The following TCF3 variants were observed in gnomAD, a reference collection of about 807,000 sequenced individuals.
TCF3 encodes the protein transcription factor E2-alpha.
A neutral mutation model predicts 72.3 loss-of-function variants in TCF3; 54 were observed. The observed-to-expected ratio is 0.75, with a 90% confidence interval of 0.60 to 0.94. The LOEUF (loss-of-function observed/expected upper bound fraction) is 0.94, where lower values mean the gene tolerates loss of function less well. Among genes scored for constraint, TCF3 ranks in the 40% least tolerant of loss-of-function variants. The pLI, the probability that TCF3 is intolerant of heterozygous loss-of-function variation, is 0.00. For missense variants in TCF3, 1,078 were observed against 934.4 expected (o/e 1.15, Z -2.00); for synonymous variants, 525 against 412.6 (o/e 1.27, Z -3.30).
At chr19:1,621,994 G>C in intron 10 of TCF3, 24 bp from the exon 11 acceptor site, 1 of 1,601,920 alleles carries the variant, frequency 6.2e-7, no homozygotes, top group Non-Finnish European at 8.5e-7. Context: ...CAGGAGGAGG[G>C]TGGGTTAGAT....
chr19:1,647,936 A>T (rs904552229), intron 2 of TCF3, among the ~76,000 whole-genome samples: 1 of 152,286 alleles, frequency 6.6e-6, no homozygotes, highest in Non-Finnish European at 1.5e-5. Flanking sequence ...CGCACGCGGC[A>T]GGGCCTGGGG....
intron 2 of TCF3, among the ~76,000 whole-genome samples, chr19:1,647,013 G>A (rs770531148): frequency 1.6e-4 from 24 of 152,250 alleles, no homozygotes; most frequent in Non-Finnish European, 2.9e-4. Context: ...TTGGCAAAAG[G>A]GGAAGCCGAG....
At chr19:1,621,073 C>A (rs771557726) in intron 12 of TCF3, 27 bp from the exon 13 acceptor site, 1 of 1,518,812 alleles carries the variant, frequency 6.6e-7, no homozygotes, top group Non-Finnish European at 8.9e-7. Flanking sequence ...GAGAGATGGG[C>A]GGTCAGGGGC....
chr19:1,623,076 C>T (rs971851305), intron 8 of TCF3, among the ~76,000 whole-genome samples: 5 of 152,234 alleles, frequency 3.3e-5, no homozygotes, highest in Admixed American at 1.3e-4. Context: ...AGCCTGACCA[C>T]GCCTTTGGCC....
In TCF3 at chr19:1,627,344, G is replaced by A; in HGVS notation, c.366+15C>T. ...TAAAATCAAAATACACCCCAGCCCG[G>A]CCCGAGCCCCTCACCTGAGTCAGGC... On this transcript the variant is annotated intron_variant, in intron 6 of 18. Coordinates refer to ENST00000262965, the MANE Select transcript of TCF3 (RefSeq NM_003200.5). 1 of 1,603,758 alleles carries A rather than the reference G, an allele frequency of 6.2e-7. No homozygotes were observed. The highest frequency in any genetic ancestry group is 1.7e-5 in the Admixed American group (1 of 59,186).
intron 5 of TCF3, among the ~76,000 whole-genome samples, chr19:1,629,817 T>G (rs1022356370): frequency 2.3e-4 from 35 of 152,180 alleles, no homozygotes; most frequent in Admixed American, 1.1e-3. Context: ...TTTTAAAAGT[T>G]CAACGATTTC....
chr19:1,646,347 G>T lies in TCF3; in HGVS notation c.145+8C>A. 1 of 1,550,132 alleles carries T rather than the reference G, an allele frequency of 6.5e-7. No homozygotes were observed. Among genetic ancestry groups the T allele is most frequent in the Non-Finnish European group, 8.7e-7 (1 of 1,146,448 alleles). On this transcript the variant is annotated splice_region_variant and intron_variant, in intron 3 of 18. Transcript: ENST00000262965. ...TCCACGAGCGCTGGCAGGAAGGCGG[G>T]GTCCTACCTGAACCTCCGAACTGCG...
chr19:1,617,333 C>A (rs1021421110), intron 16 of TCF3, among the ~76,000 whole-genome samples: 2 of 152,224 alleles, frequency 1.3e-5, no homozygotes, highest in African/African-American at 4.8e-5. Flanking sequence ...CCGCTCACAC[C>A]ACACATGTAC....
chr19:1,623,998 T>C lies in TCF3; in HGVS notation c.502A>G (p.Thr168Ala). 2 of 1,613,338 alleles carry C rather than the reference T, an allele frequency of 1.2e-6. No individual in the cohort carries two copies. Among genetic ancestry groups the C allele is most frequent in the Non-Finnish European group, 1.7e-6 (2 of 1,179,906 alleles). ...RRRAADGSLDTQPKKVRKVPP... is the reference protein window; with the variant it reads ...RRRAADGSLDAQPKKVRKVPP... ...ACCTTCCGGACCTTCTTGGGCTGCG[T>C]GTCTGTTAGAAGCAAAAGGGGTGAG... is the stretch of plus-strand genomic sequence containing the variant. Residue 168 changes from threonine (T) to alanine (A), a missense_variant and splice_region_variant, in exon 8 of 19, where the codon ACG becomes GCG. By Grantham distance (58) the Thr-to-Ala change is moderately conservative. Transcript: ENST00000262965.
At chr19:1,651,664 G>A (rs926052785) in intron 1 of TCF3, among the ~76,000 whole-genome samples, 2 of 151,842 alleles carry the variant, frequency 1.3e-5, no homozygotes, top group African/African-American at 4.8e-5. Context: ...CCTTTTTCCC[G>A]GGGGGAGGCG....
chr19:1,636,431 G>C (rs1427386272), intron 3 of TCF3, among the ~76,000 whole-genome samples: 1 of 152,176 alleles, frequency 6.6e-6, no homozygotes, highest in Non-Finnish European at 1.5e-5. Context: ...AAAGTGCTGG[G>C]ATTACAGGCA....
chr19:1,627,258 C>T, intron 6 of TCF3, 101 bp downstream of exon 6: 3 of 672,308 alleles, frequency 4.5e-6, no homozygotes, highest in Non-Finnish European at 6.3e-6. Context: ...AGGAAGCAAA[C>T]ATAACCTAGC....
chr19:1,643,537 A>T (rs1394058570), intron 3 of TCF3, among the ~76,000 whole-genome samples: 2 of 151,952 alleles, frequency 1.3e-5, no homozygotes, highest in African/African-American at 2.4e-5. Context: ...TGTTTGTTTG[A>T]GTTGGGGTCT....
intron 3 of TCF3, among the ~76,000 whole-genome samples, chr19:1,645,076 G>A (rs917515098): frequency 2.0e-5 from 3 of 152,112 alleles, no homozygotes; most frequent in Admixed American, 6.5e-5. Flanking sequence ...GTGTGAGGCA[G>A]TGGGGGCAGC....
At chr19:1,625,990 T>G (rs2062833089) in intron 6 of TCF3, among the ~76,000 whole-genome samples, 1 of 152,202 alleles carries the variant, frequency 6.6e-6, no homozygotes, top group Admixed American at 6.5e-5. Context: ...AGACGCAAAG[T>G]ACAAAGCTGC....
intron 18 of TCF3, chr19:1,612,549 TGTGG>T: frequency 6.9e-6 from 7 of 1,015,740 alleles, no homozygotes; most frequent in Non-Finnish European, 1.0e-5. Context: ...TGGGCAGCAG[TGTGG>T]GTACACGGCT....
chr19:1,650,964 AG>A (rs1037991989), intron 1 of TCF3: 5 of 229,806 alleles, frequency 2.2e-5, no homozygotes, highest in Non-Finnish European at 3.4e-5. Flanking sequence ...TATTCAGGAA[AG>A]AAAAAAAAAA....
At chr19:1,617,597 G>A (rs759754417) in intron 16 of TCF3, among the ~76,000 whole-genome samples, 97 of 152,334 alleles carry the variant, frequency 6.4e-4, no homozygotes, top group Non-Finnish European at 1.2e-3. Context: ...TACCCTGAGG[G>A]GGAGCCTCAG....
intron 2 of TCF3, among the ~76,000 whole-genome samples, chr19:1,648,845 G>A (rs936313240): frequency 1.3e-5 from 2 of 150,384 alleles, no homozygotes; most frequent in African/African-American, 2.5e-5. Context: ...AGAATTTAAG[G>A]ACATCTGTAG....
Sources: gnomAD v4.1 joint callset for allele counts (sites outside exome capture counted in the v4.1 genomes callset) on GRCh38, gnomAD v4.1.1 for gene constraint, MANE v1.5 for transcripts, NCBI Gene and HGNC (gene_info 2026-07-23, HGNC 2026-07-21) for gene names.